Variants in ALG6 observed in about 807,000 individuals in gnomAD.
The protein encoded by ALG6 is dolichyl pyrophosphate Man9GlcNAc2 alpha-1,3-glucosyltransferase.
ALG6 carries 46 observed loss-of-function variants against 66.6 expected under a neutral mutation model. That is an observed-to-expected ratio of 0.69 (90% CI 0.55 to 0.88). ALG6 has a LOEUF of 0.88. ALG6 is among the 40% of genes least tolerant of loss of function. The pLI is 0.00. For missense variants in ALG6, 505 were observed against 586.8 expected, an observed-to-expected ratio of 0.86 and a Z score of 1.44; for synonymous variants, 185 against 203.7, an observed-to-expected ratio of 0.91 and a Z score of 0.78.
Position 63,419,351 on chromosome 1 carries a change from C to A in ALG6, c.988-19C>A. 1.9e-6 allele frequency: 3 copies of A among 1,588,288 alleles called. No individual in the cohort carries two copies. On this transcript the variant is annotated intron_variant, in intron 11 of 14. Coordinates refer to ENST00000263440, the MANE Select transcript of ALG6 (RefSeq NM_013339.4). ...TTCACAAGTTGTTATATCTCATTTCCCCCCCTTTTTTCTTAAAGGTTAGCT... is the reference window on the plus strand; with the variant it reads ...TTCACAAGTTGTTATATCTCATTTCACCCCCTTTTTTCTTAAAGGTTAGCT...
intron 14 of ALG6, among the ~76,000 whole-genome samples, chr1:63,431,282 T>C (rs1189774994): frequency 2.6e-5 from 4 of 152,262 alleles, no homozygotes. Context: ...ACTGATTTTG[T>C]TCTTTTACAA....
chr1:63,429,598 T>C (rs1344137970), intron 14 of ALG6: 1 of 159,076 alleles, frequency 6.3e-6, no homozygotes, highest in Non-Finnish European at 1.4e-5. Flanking sequence ...TCCTGGCTTG[T>C]AGAAGGTCTC....
At chr1:63,377,813 A>C (rs1206711608) in intron 2 of ALG6, among the ~76,000 whole-genome samples, 5 of 152,194 alleles carry the variant, frequency 3.3e-5, no homozygotes, top group African/African-American at 1.2e-4. Context: ...AGTTCATTGC[A>C]GCCTTGACTT....
intron 4 of ALG6, among the ~76,000 whole-genome samples, chr1:63,402,911 A>G (rs1206260251): frequency 6.6e-6 from 1 of 151,276 alleles, no homozygotes; most frequent in Non-Finnish European, 1.5e-5. Context: ...CCTGGCTAAC[A>G]TGGTGAAACC....
intron 2 of ALG6, among the ~76,000 whole-genome samples, chr1:63,396,209 C>T (rs993611149): frequency 2.6e-5 from 4 of 152,114 alleles, no homozygotes; most frequent in African/African-American, 7.2e-5. Flanking sequence ...ATGTGCCAGG[C>T]ACTATGCTGG....
At chr1:63,378,308 A>G (rs1194363803) in intron 2 of ALG6, among the ~76,000 whole-genome samples, 1 of 151,978 alleles carries the variant, frequency 6.6e-6, no homozygotes, top group Non-Finnish European at 1.5e-5. Flanking sequence ...ATTTGTGTTG[A>G]TGTTTGGACA....
rs191525863 is a variant in ALG6, at chr1:63,385,001, A to G, written c.83-11512A>G. Among the ~76,000 whole-genome samples, 220 of 151,874 alleles carry G rather than the reference A, an allele frequency of 1.4e-3. 2 individuals carry two copies. Among genetic ancestry groups the G allele is most frequent in the African/African-American group, 5.1e-3 (211 of 41,412 alleles). The stretch of plus-strand genomic sequence containing the variant: ...TATAAATTTTAGGATTATTTTTTCT[A>G]TTTCTGTGAGGAATATCATTGGTAG... On this transcript the variant is annotated intron_variant, in intron 2 of 14. Transcript: ENST00000263440.
intron 2 of ALG6, among the ~76,000 whole-genome samples, chr1:63,377,213 G>A (rs991247525): frequency 2.6e-5 from 4 of 152,070 alleles, no homozygotes; most frequent in South Asian, 2.1e-4. Flanking sequence ...CCACCACCTC[G>A]GCCTCCCAAA....
chr1:63,370,946 T>C lies in ALG6; in HGVS notation c.-32T>C. 1 of 1,354,014 alleles carries C rather than the reference T, an allele frequency of 7.4e-7. No homozygotes were observed. The highest frequency in any genetic ancestry group is 1.1e-6 in the Non-Finnish European group (1 of 942,504). 83.9% of individuals were successfully genotyped at this position (1,354,014 alleles called of 1,614,324 possible). A position where few individuals can be genotyped will look rare whatever the true frequency, so the allele number is the denominator to read the frequency against. ...TAAAAGTACTCTGGCACTGGTGCTG[T>C]GTTTTCTTCCCCTCCCTAAATTTGA... On this transcript the variant is annotated 5_prime_UTR_variant, in exon 2 of 15. Transcript: ENST00000263440.
intron 5 of ALG6, among the ~76,000 whole-genome samples, chr1:63,404,818 T>C (rs1226031657): frequency 6.6e-6 from 1 of 152,144 alleles, no homozygotes; most frequent in Non-Finnish European, 1.5e-5. Context: ...ATTATTCTTA[T>C]TTTAAGCTGA....
At position 63,407,055 on chromosome 1, in the gene ALG6, T is replaced by A; in HGVS notation, c.430-7T>A. 1 of 1,602,560 alleles carries A rather than the reference T, an allele frequency of 6.2e-7. No homozygotes were observed. On this transcript the variant is annotated splice_region_variant and splice_polypyrimidine_tract_variant and intron_variant, in intron 6 of 14. Coordinates refer to ENST00000263440, the MANE Select transcript of ALG6 (RefSeq NM_013339.4). The stretch of plus-strand genomic sequence containing the variant: ...ACTTTCTTATCTCACAATATTTGTC[T>A]TTACAGATTGCTAATGCATTATGCA...
chr1:63,391,626 G>A (rs1199000830), intron 2 of ALG6, among the ~76,000 whole-genome samples: 1 of 152,196 alleles, frequency 6.6e-6, no homozygotes, highest in Admixed American at 6.5e-5. Flanking sequence ...AGATTTTGAA[G>A]TTGAATGTTC....
chr1:63,438,437 G>C lies in ALG6; in HGVS notation c.*1417G>C, dbSNP rs1390545776. 1.3e-5 allele frequency: 2 copies of C among 152,134 alleles called. No individual in the cohort carries two copies. The highest frequency in any genetic ancestry group is 4.8e-5 in the African/African-American group (2 of 41,422). 9.4% of individuals were successfully genotyped at this position (152,134 alleles called of 1,614,324 possible). ...AAATATTTTTTGTAATAGTACACTT[G>C]TGTTTAACATAGAATGTTGACTTAG... On this transcript the variant is annotated 3_prime_UTR_variant, in exon 15 of 15. Coordinates refer to ENST00000263440, the MANE Select transcript of ALG6 (RefSeq NM_013339.4).
intron 3 of ALG6, among the ~76,000 whole-genome samples, chr1:63,401,468 C>A (rs1316497701): frequency 6.6e-6 from 1 of 151,978 alleles, no homozygotes; most frequent in Non-Finnish European, 1.5e-5. Flanking sequence ...GAGTTCAAGA[C>A]CAGCCTGGCC....
intron 8 of ALG6, 68 bp downstream of exon 8, chr1:63,411,399 C>CA: frequency 2.1e-6 from 3 of 1,401,816 alleles, no homozygotes; most frequent in Non-Finnish European, 3.0e-6. Context: ...TACTTACTTG[C>CA]AGTAAGATGA....
chr1:63,404,592 G>T, intron 5 of ALG6, 51 bp downstream of exon 5: 1 of 1,451,706 alleles, frequency 6.9e-7, no homozygotes, highest in Non-Finnish European at 9.7e-7. Flanking sequence ...TAAAAATTTT[G>T]GACAAACTGG....
intron 3 of ALG6, among the ~76,000 whole-genome samples, chr1:63,400,109 G>A (rs1183841173): frequency 6.1e-5 from 9 of 146,422 alleles, no homozygotes; most frequent in African/African-American, 2.0e-4. Context: ...CAGGAGAATC[G>A]CTTGAACCTG....
chr1:63,371,791 G>T (rs1168571800), intron 2 of ALG6, among the ~76,000 whole-genome samples: 1 of 151,968 alleles, frequency 6.6e-6, no homozygotes, highest in Non-Finnish European at 1.5e-5. Flanking sequence ...TTTTAGTAGA[G>T]ACGGGGTTTC....
At chr1:63,397,786 A>G (rs1644412917) in intron 3 of ALG6, among the ~76,000 whole-genome samples, 2 of 152,196 alleles carry the variant, frequency 1.3e-5, no homozygotes, top group African/African-American at 2.4e-5. Flanking sequence ...CAGCTCTACT[A>G]TTTATTAGCT....
Sources: gnomAD v4.1 joint callset for allele counts (sites outside exome capture counted in the v4.1 genomes callset) on GRCh38, gnomAD v4.1.1 for gene constraint, MANE v1.5 for transcripts, NCBI Gene and HGNC (gene_info 2026-07-23, HGNC 2026-07-21) for gene names.